RANBP2: variants seen among roughly 807,000 people sequenced by gnomAD.
RANBP2 encodes the protein RAN binding protein 2, also known as E3 SUMO-protein ligase RanBP2.
In RANBP2, 57 loss-of-function variants were observed where a neutral mutation model predicts 303.6. The ratio of observed to expected loss-of-function variants is 0.19; its 90% CI spans 0.15 to 0.23. RANBP2 has a LOEUF of 0.23. RANBP2 is among the 10% of genes least tolerant of loss of function. The pLI, the probability that RANBP2 is intolerant of heterozygous loss-of-function variation, is 1.00. For missense variants in RANBP2, 3,138 were observed against 3,780.8 expected (o/e 0.83, Z 4.46); for synonymous variants, 1,167 against 1,301.5 (o/e 0.90, Z 2.23).
At chr2:109,001,349 C>T in the RANBP2 span, among the ~76,000 whole-genome samples, 2 of 152,190 alleles carry the variant, frequency 1.3e-5, no homozygotes, top group Non-Finnish European at 2.9e-5. Context: ...GTCCAGGACA[C>T]GTGGGGTCAC....
the RANBP2 span, among the ~76,000 whole-genome samples, chr2:108,886,703 T>A: frequency 6.7e-6 from 1 of 149,944 alleles, no homozygotes. Context: ...TGAGCCACCA[T>A]GCCCGGCCCC....
chr2:109,449,456 G>A, the RANBP2 span: 5 of 1,613,978 alleles, frequency 3.1e-6, no homozygotes, highest in Admixed American at 1.7e-5. Flanking sequence ...CCACCAACAC[G>A]GGATGCAAAC....
the RANBP2 span, among the ~76,000 whole-genome samples, chr2:109,732,141 A>C: frequency 2.6e-5 from 4 of 152,304 alleles, no homozygotes; most frequent in East Asian, 7.7e-4. Context: ...TATAGGCGTG[A>C]ACTAGCATGC....
the RANBP2 span, among the ~76,000 whole-genome samples, chr2:108,803,289 G>A: frequency 0.014 from 2,096 of 152,328 alleles, 42 homozygotes; most frequent in Admixed American, 0.02. Context: ...ACCAGAGTGA[G>A]AGGATCCTCT....
chr2:109,729,251 A>G, the RANBP2 span, among the ~76,000 whole-genome samples: 2 of 152,206 alleles, frequency 1.3e-5, no homozygotes, highest in Admixed American at 6.5e-5. Flanking sequence ...TGAAAACATC[A>G]ATATAAAAGA....
At chr2:109,655,667 C>A in the RANBP2 span, among the ~76,000 whole-genome samples, 242 of 147,096 alleles carry the variant, frequency 1.6e-3, 1 homozygote, top group South Asian at 7.3e-3. Context: ...CAAACAAAAG[C>A]AGAAACAATA....
the RANBP2 span, among the ~76,000 whole-genome samples, chr2:109,124,896 T>C: frequency 2.5e-4 from 38 of 152,210 alleles, 1 homozygote; most frequent in Non-Finnish European, 1.5e-5. Context: ...TTCAGTGCAG[T>C]GATGATTGTC....
the RANBP2 span, chr2:109,616,545 A>G: frequency 6.0e-6 from 1 of 167,196 alleles, no homozygotes; most frequent in Non-Finnish European, 1.5e-5. Context: ...GTTTTTACTA[A>G]TTGCATTTGC....
At chr2:108,921,190 A>T in the RANBP2 span, among the ~76,000 whole-genome samples, 1 of 152,074 alleles carries the variant, frequency 6.6e-6, no homozygotes, top group African/African-American at 2.4e-5. Context: ...GTGCCTAGGC[A>T]TAGGGTTAGA....
chr2:108,799,733 C>G, the RANBP2 span, among the ~76,000 whole-genome samples: 1 of 152,104 alleles, frequency 6.6e-6, no homozygotes, highest in Non-Finnish European at 1.5e-5. Flanking sequence ...CACTTTCTTT[C>G]TTGTCTTCTC....
rs1313033988 is a variant in RANBP2 at position 108,764,443 on chromosome 2, C to A, written c.3904C>A (p.Gln1302Lys). The change falls in exon 20 of 29, where the codon CAG becomes AAG. Residue 1302 changes from glutamine to lysine, a missense_variant. Gln to Lys is a moderately conservative substitution (Grantham distance 53). Transcript: ENST00000283195. ...ALFKCKFEEA[Q>K]SILKAPGTNV... is the part of the protein sequence containing the mutation. ...TTTTAAATGCAAGTTTGAAGAAGCCCAGAGCATTTTAAAAGCCCCAGGAAC... is the reference window on the plus strand; with the variant it reads ...TTTTAAATGCAAGTTTGAAGAAGCCAAGAGCATTTTAAAAGCCCCAGGAAC... 19 of 1,613,936 alleles carry A rather than the reference C, an allele frequency of 1.2e-5. No individual in the cohort carries two copies. Among genetic ancestry groups the A allele is most frequent in the Non-Finnish European group, 1.5e-5 (18 of 1,179,966 alleles).
the RANBP2 span, among the ~76,000 whole-genome samples, chr2:108,826,581 C>T: frequency 2.0e-5 from 3 of 152,148 alleles, no homozygotes; most frequent in African/African-American, 7.2e-5. Context: ...GGGTCCATAT[C>T]TGGATTCTCA....
At chr2:108,732,915 C>A (rs957403743) in intron 4 of RANBP2, among the ~76,000 whole-genome samples, 1 of 152,198 alleles carries the variant, frequency 6.6e-6, no homozygotes, top group Admixed American at 6.5e-5. Flanking sequence ...CCTCCGCCTC[C>A]CAGGTTCAAG....
the RANBP2 span, among the ~76,000 whole-genome samples, chr2:108,845,099 T>G: frequency 1.3e-5 from 2 of 152,086 alleles, no homozygotes; most frequent in African/African-American, 2.4e-5. Flanking sequence ...TAGTAAAGCA[T>G]TAGAGATAAT....
the RANBP2 span, among the ~76,000 whole-genome samples, chr2:109,388,335 A>C: frequency 2.0e-5 from 3 of 152,184 alleles, no homozygotes; most frequent in South Asian, 6.2e-4. Flanking sequence ...GTGAACATGG[A>C]ACACATCCTA....
the RANBP2 span, among the ~76,000 whole-genome samples, chr2:109,698,327 G>T: frequency 6.6e-6 from 1 of 151,644 alleles, no homozygotes. Context: ...TTAGCCAGGT[G>T]TGGTGGCATG....
At chr2:109,455,978 A>G in the RANBP2 span, among the ~76,000 whole-genome samples, 1,991 of 152,296 alleles carry the variant, frequency 0.013, 53 homozygotes, top group African/African-American at 0.046. Context: ...GGGAACCATC[A>G]TGCAGGTCTT....
At chr2:108,804,377 G>C in the RANBP2 span, among the ~76,000 whole-genome samples, 1 of 152,068 alleles carries the variant, frequency 6.6e-6, no homozygotes, top group East Asian at 1.9e-4. Context: ...ATTTTATTAT[G>C]TATCTAACAT....
At chr2:108,983,966 G>A in the RANBP2 span, among the ~76,000 whole-genome samples, 3 of 152,352 alleles carry the variant, frequency 2.0e-5, no homozygotes, top group Non-Finnish European at 4.4e-5. Flanking sequence ...GACTGTGGGA[G>A]TGTCCCAGCA....
Sources: gnomAD v4.1 joint callset for allele counts (sites outside exome capture counted in the v4.1 genomes callset) on GRCh38, gnomAD v4.1.1 for gene constraint, MANE v1.5 for transcripts, NCBI Gene and HGNC (gene_info 2026-07-23, HGNC 2026-07-21) for gene names.